TTC23L: variants seen among roughly 807,000 people sequenced by gnomAD.
TTC23L encodes the protein tetratricopeptide repeat protein 23-like.
In TTC23L, 42 loss-of-function variants were observed where a neutral mutation model predicts 48.1. The observed-to-expected ratio is 0.87, with a 90% CI of 0.68 to 1.13. The LOEUF (loss-of-function observed/expected upper bound fraction) is 1.13, where lower values mean the gene tolerates loss of function less well. TTC23L is among the 50% of genes most tolerant of loss of function. The pLI is 0.00. For synonymous variants in TTC23L, 159 were observed against 157.2 expected (o/e 1.01, Z -0.09); for missense variants, 391 against 421.0 (o/e 0.93, Z 0.62).
intron 9 of TTC23L, among the ~76,000 whole-genome samples, chr5:34,888,938 T>G (rs898553222): frequency 3.3e-5 from 5 of 152,140 alleles, no homozygotes; most frequent in African/African-American, 1.2e-4. Flanking sequence ...ATAAGGCAAG[T>G]TTTTTTAGGA....
the TTC23L span, chr5:34,914,737 T>C: frequency 6.2e-7 from 1 of 1,614,266 alleles, no homozygotes; most frequent in Admixed American, 1.7e-5. Flanking sequence ...CATTTTCCAC[T>C]GTTACTTTGA....
chr5:34,870,047 T>C (rs926085793), intron 8 of TTC23L, among the ~76,000 whole-genome samples: 1 of 152,086 alleles, frequency 6.6e-6, no homozygotes, highest in Admixed American at 6.5e-5. Context: ...GTACAAATTT[T>C]AGCTTTTTTT....
At chr5:34,899,320 GGGCCA>G (rs1357178894) in intron 10 of TTC23L, 65 bp from the exon 11 acceptor site, 1 of 152,720 alleles carries the variant, frequency 6.5e-6, no homozygotes. Context: ...GGGGGAGGCA[GGGCCA>G]GTTATGGAGG....
chr5:34,918,539 C>T, the TTC23L span: 2 of 935,538 alleles, frequency 2.1e-6, no homozygotes, highest in Non-Finnish European at 3.1e-6. Flanking sequence ...TATGTTTTCA[C>T]TTATTTTATA....
chr5:34,853,556 A>G (rs2150369033), intron 4 of TTC23L, among the ~76,000 whole-genome samples: 1 of 152,176 alleles, frequency 6.6e-6, no homozygotes, highest in African/African-American at 2.4e-5. Flanking sequence ...GGGGAAGAGA[A>G]TAGAGGACTG....
At chr5:34,894,978 A>C (rs1294698192) in intron 9 of TTC23L, among the ~76,000 whole-genome samples, 3 of 151,970 alleles carry the variant, frequency 2.0e-5, no homozygotes, top group Admixed American at 2.0e-4. Flanking sequence ...ACTAATCAGA[A>C]GCCATTATAT....
the TTC23L span, chr5:34,921,878 G>A: frequency 6.5e-6 from 1 of 154,610 alleles, no homozygotes; most frequent in Non-Finnish European, 1.4e-5. Flanking sequence ...TTGCACTCCA[G>A]CCTGGGCAAC....
intron 4 of TTC23L, chr5:34,860,817 A>G (rs527796432): frequency 1.3e-5 from 2 of 151,968 alleles, no homozygotes; most frequent in Admixed American, 1.3e-4. Flanking sequence ...CATATCTACT[A>G]TTTTTCTTTC....
chr5:34,922,618 G>C, the TTC23L span: 1 of 1,592,502 alleles, frequency 6.3e-7, no homozygotes, highest in Non-Finnish European at 8.6e-7. Flanking sequence ...TTTTTTAGAT[G>C]AGGAAATTAA....
the TTC23L span, among the ~76,000 whole-genome samples, chr5:34,910,221 A>T: frequency 9.2e-5 from 14 of 152,146 alleles, no homozygotes; most frequent in Non-Finnish European, 1.3e-4. Context: ...CATCCTGGAG[A>T]TGAAAGATAC....
the TTC23L span, chr5:34,913,534 A>G: frequency 6.2e-7 from 1 of 1,605,312 alleles, no homozygotes; most frequent in South Asian, 1.1e-5. Flanking sequence ...TAATTCGAAA[A>G]GTAACAGACT....
exon 7 of TTC23L, chr5:34,867,007 G>A (rs1761100783): frequency 6.2e-7 from 1 of 1,612,050 alleles, no homozygotes; most frequent in Non-Finnish European, 8.5e-7. Flanking sequence ...CCTGTACGAG[G>A]AAGCTGCTCA....
intron 3 of TTC23L, 61 bp from the exon 4 acceptor site, chr5:34,850,124 G>A: frequency 6.3e-7 from 1 of 1,587,936 alleles, no homozygotes; most frequent in African/African-American, 1.3e-5. Context: ...CCAGTGATAA[G>A]TCCATGGGGT....
the TTC23L span, chr5:34,925,161 C>G: frequency 6.8e-7 from 1 of 1,465,764 alleles, no homozygotes; most frequent in South Asian, 1.4e-5. Flanking sequence ...AACTGAAAGT[C>G]TTTGCCTTAT....
intron 2 of TTC23L, among the ~76,000 whole-genome samples, chr5:34,843,039 C>T (rs149921687): frequency 2.6e-5 from 4 of 152,256 alleles, no homozygotes; most frequent in East Asian, 3.9e-4. Flanking sequence ...AACTCCTGAC[C>T]GCAAGTGATC....
intron 9 of TTC23L, among the ~76,000 whole-genome samples, chr5:34,885,888 C>T (rs969614226): frequency 6.6e-6 from 1 of 151,746 alleles, no homozygotes; most frequent in South Asian, 2.1e-4. Context: ...ATAAAGCAAA[C>T]GTGGCAAAAT....
At chr5:34,865,321 G>A (rs1408744723) in intron 6 of TTC23L, among the ~76,000 whole-genome samples, 6 of 152,148 alleles carry the variant, frequency 3.9e-5, no homozygotes, top group Admixed American at 2.0e-4. Context: ...AAATACATGC[G>A]TCATGTCTGC....
At chr5:34,919,812 T>C in the TTC23L span, 1 of 781,832 alleles carries the variant, frequency 1.3e-6, no homozygotes, top group East Asian at 3.0e-5. Context: ...TTTAATTTAC[T>C]TGCTTTTTCT....
intron 9 of TTC23L, among the ~76,000 whole-genome samples, chr5:34,892,735 G>A (rs967936227): frequency 2.0e-5 from 3 of 152,176 alleles, no homozygotes; most frequent in African/African-American, 7.2e-5. Context: ...AGTATTCCAA[G>A]TTGCATGAAC....
Sources: gnomAD v4.1 joint callset for allele counts (sites outside exome capture counted in the v4.1 genomes callset) on GRCh38, gnomAD v4.1.1 for gene constraint, MANE v1.5 for transcripts, NCBI Gene and HGNC (gene_info 2026-07-23, HGNC 2026-07-21) for gene names.